Variants in SEPTIN10 observed in about 807,000 individuals in gnomAD.
The protein encoded by SEPTIN10 is septin-10.
SEPTIN10 carries 66 observed loss-of-function variants against 54.8 expected under a neutral mutation model. That is an observed-to-expected ratio of 1.21 (90% CI 0.99 to 1.48). SEPTIN10 has a LOEUF of 1.48. Ranked by LOEUF, SEPTIN10 falls within the 40% of genes most tolerant of loss-of-function variation. SEPTIN10 has a pLI of 0.00. For missense variants in SEPTIN10, 620 were observed against 545.6 expected, an observed-to-expected ratio of 1.14 and a Z score of -1.36; for synonymous variants, 161 against 181.0, an observed-to-expected ratio of 0.89 and a Z score of 0.89.
chr2:109,610,264 AT>A (rs1172240713), intron 1 of SEPTIN10, among the ~76,000 whole-genome samples: 1 of 152,010 alleles, frequency 6.6e-6, no homozygotes, highest in African/African-American at 2.4e-5. Flanking sequence ...AATTTCCTGT[AT>A]TTTTAGCAGA....
At chr2:109,613,152 C>T (rs1423844916) in intron 1 of SEPTIN10, 1 of 1,288,300 alleles carries the variant, frequency 7.8e-7, no homozygotes. Context: ...GACCTTGGTA[C>T]TATTAACGAA....
At position 109,574,841 on chromosome 2, in the gene SEPTIN10, T is replaced by C. The variant is rs551162314; in HGVS notation, c.414-74A>G. 2.7e-4 allele frequency: 290 copies of C among 1,063,060 alleles called. No homozygotes were observed. In the African/African-American group the frequency reaches 3.4e-3, roughly 12 times the overall value. 65.9% of individuals were successfully genotyped at this position (1,063,060 alleles called of 1,614,324 possible). A position where few individuals can be genotyped will look rare whatever the true frequency, so the allele number is the denominator to read the frequency against. On this transcript the variant is annotated intron_variant, in intron 4 of 10. Coordinates refer to ENST00000397712, the MANE Select transcript of SEPTIN10 (RefSeq NM_144710.5). ...AGATATCTGTGCAACTCTTAGAAGT[T>C]TGAGGTCTATATTTTCACTAATTAA...
intron 9 of SEPTIN10, among the ~76,000 whole-genome samples, chr2:109,550,729 G>C (rs1257541657): frequency 6.6e-6 from 1 of 152,160 alleles, no homozygotes; most frequent in Non-Finnish European, 1.5e-5. Context: ...CTAGAAGTTA[G>C]AGCCCAGTCT....
intron 5 of SEPTIN10, among the ~76,000 whole-genome samples, chr2:109,572,270 A>C (rs1184120451): frequency 6.6e-6 from 1 of 152,118 alleles, no homozygotes; most frequent in Non-Finnish European, 1.5e-5. Flanking sequence ...AGCCGGGACT[A>C]CTGGCGCATG....
intron 1 of SEPTIN10, among the ~76,000 whole-genome samples, chr2:109,597,792 G>T (rs1695633031): frequency 6.6e-6 from 1 of 152,194 alleles, no homozygotes; most frequent in Non-Finnish European, 1.5e-5. Flanking sequence ...CTGGAGGAAA[G>T]TCTGGTGCTG....
At chr2:109,613,731 C>G (rs1019760279) in intron 1 of SEPTIN10, 67 bp downstream of exon 1, 97 of 1,077,084 alleles carry the variant, frequency 9.0e-5, no homozygotes, top group Non-Finnish European at 1.0e-4. Flanking sequence ...GCCGGTGGGT[C>G]GAGGGCGGGA....
intron 10 of SEPTIN10, 66 bp from the exon 11 acceptor site, chr2:109,544,390 A>G: frequency 1.3e-6 from 2 of 1,541,420 alleles, no homozygotes; most frequent in Non-Finnish European, 1.7e-6. Flanking sequence ...ATTAGCAAAC[A>G]TGCATCTAGT....
chr2:109,551,122 C>T (rs915847780), intron 9 of SEPTIN10, among the ~76,000 whole-genome samples: 1 of 152,168 alleles, frequency 6.6e-6, no homozygotes, highest in African/African-American at 2.4e-5. Flanking sequence ...GAAGACAGAA[C>T]GTCAACGATA....
intron 10 of SEPTIN10, chr2:109,545,469 CG>C: frequency 6.5e-7 from 1 of 1,536,122 alleles, no homozygotes; most frequent in Non-Finnish European, 8.7e-7. Context: ...CCTTTCTCTG[CG>C]TCTTTACGTC....
Position 109,608,462 on chromosome 2 carries a change from G to A in SEPTIN10, c.30+5336C>T, listed in dbSNP as rs981091355. 5.3e-5 allele frequency among the ~76,000 whole-genome samples: 8 copies of A among 152,298 alleles called. No individual in the cohort carries two copies. In the South Asian group the frequency reaches 6.2e-4, roughly 12 times the overall value. On this transcript the variant is annotated intron_variant, in intron 1 of 10. Coordinates refer to ENST00000397712, the MANE Select transcript of SEPTIN10 (RefSeq NM_144710.5). ...TGATTCTTAAGGGAGGAAGGTAAAG[G>A]AAATCAGAGAATAGCCACATTTCTA...
chr2:109,612,597 ATC>A (rs1382881276), intron 1 of SEPTIN10, among the ~76,000 whole-genome samples: 7 of 152,234 alleles, frequency 4.6e-5, no homozygotes, highest in Non-Finnish European at 8.8e-5. Context: ...TTAAAAATAA[ATC>A]TAACATCAGC....
chr2:109,582,141 T>C (rs1691339717), intron 4 of SEPTIN10, among the ~76,000 whole-genome samples: 1 of 151,488 alleles, frequency 6.6e-6, no homozygotes, highest in Admixed American at 6.6e-5. Context: ...CCTAGGAATA[T>C]ATCTAACCAA....
chr2:109,605,875 G>A (rs1234988056), intron 1 of SEPTIN10, among the ~76,000 whole-genome samples: 1 of 152,166 alleles, frequency 6.6e-6, no homozygotes, highest in African/African-American at 2.4e-5. Context: ...TCACAAAGAA[G>A]AAGAGTTAGC....
chr2:109,545,822 T>G, intron 10 of SEPTIN10: 1 of 1,428,490 alleles, frequency 7.0e-7, no homozygotes, highest in Non-Finnish European at 9.1e-7. Context: ...GTTCATTCAT[T>G]CATTTTGGCA....
intron 1 of SEPTIN10, among the ~76,000 whole-genome samples, chr2:109,612,038 T>C (rs1163935015): frequency 6.6e-6 from 1 of 152,180 alleles, no homozygotes; most frequent in Non-Finnish European, 1.5e-5. Context: ...TACATGAATG[T>C]TTATAGCAGC....
At position 109,544,124 on chromosome 2, in the gene SEPTIN10, A is replaced by C. The variant is rs769557142; in HGVS notation, c.*185T>G. On this transcript the variant is annotated 3_prime_UTR_variant, in exon 11 of 11. Coordinates refer to ENST00000397712, the MANE Select transcript of SEPTIN10 (RefSeq NM_144710.5). ...TTAGAGATGCTCAACTTGTAGTATC[A>C]TTCACTCTGGCTTATGTATTGACCT... 6.6e-7 allele frequency: 1 copy of C among 1,525,080 alleles called. No individual in the cohort carries two copies. Among genetic ancestry groups the C allele is most frequent in the South Asian group, 1.2e-5 (1 of 82,996 alleles). 94.5% of individuals were successfully genotyped at this position (1,525,080 alleles called of 1,614,324 possible).
intron 5 of SEPTIN10, among the ~76,000 whole-genome samples, chr2:109,568,209 C>A (rs1687538832): frequency 6.6e-6 from 1 of 151,984 alleles, no homozygotes; most frequent in Non-Finnish European, 1.5e-5. Context: ...ACTACAACAG[C>A]AGAGATGAGT....
intron 2 of SEPTIN10, among the ~76,000 whole-genome samples, chr2:109,591,569 T>C (rs753457805): frequency 3.9e-5 from 6 of 152,170 alleles, no homozygotes; most frequent in African/African-American, 1.4e-4. Context: ...ACTACAGTTA[T>C]TGGAGCACAG....
intron 9 of SEPTIN10, 96 bp from the exon 10 acceptor site, chr2:109,546,333 C>T: frequency 2.8e-6 from 2 of 707,646 alleles, no homozygotes; most frequent in Non-Finnish European, 4.5e-6. Context: ...CATAGCGCAA[C>T]ACAGAATAAC....
Sources: gnomAD v4.1 joint callset for allele counts (sites outside exome capture counted in the v4.1 genomes callset) on GRCh38, gnomAD v4.1.1 for gene constraint, MANE v1.5 for transcripts, NCBI Gene and HGNC (gene_info 2026-07-23, HGNC 2026-07-21) for gene names.